FGF14: variants seen among roughly 807,000 people sequenced by gnomAD.
FGF14 encodes fibroblast growth factor homologous factor 4.
In FGF14, 5 loss-of-function variants were observed where a neutral mutation model predicts 25.5. That is an observed-to-expected ratio of 0.20 (90% confidence interval 0.10 to 0.41). The LOEUF is 0.41. Ranked by LOEUF, FGF14 falls within the 10% of genes least tolerant of loss-of-function variation. The pLI, the probability that FGF14 is intolerant of heterozygous loss-of-function variation, is 1.00. For synonymous variants in FGF14, 138 were observed against 118.3 expected, an observed-to-expected ratio of 1.17 and a Z score of -1.08; for missense variants, 222 against 320.1, an observed-to-expected ratio of 0.69 and a Z score of 2.34.
intron 1 of FGF14, among the ~76,000 whole-genome samples, chr13:102,385,908 C>G (rs2058290045): frequency 6.6e-6 from 1 of 152,100 alleles, no homozygotes; most frequent in Admixed American, 6.6e-5. Flanking sequence ...CAGTATTTCA[C>G]TATTTAGCAG....
At chr13:101,966,069 T>G (rs1420170117) in intron 1 of FGF14, among the ~76,000 whole-genome samples, 1 of 152,186 alleles carries the variant, frequency 6.6e-6, no homozygotes, top group African/African-American at 2.4e-5. Flanking sequence ...AAGGGAAATG[T>G]TCTGGATTGA....
chr13:101,754,983 T>C (rs1021887379), intron 3 of FGF14, among the ~76,000 whole-genome samples: 88 of 152,138 alleles, frequency 5.8e-4, no homozygotes, highest in African/African-American at 1.9e-3. Context: ...GCCTAAGAAC[T>C]TATACGGCAT....
intron 1 of FGF14, among the ~76,000 whole-genome samples, chr13:102,337,531 T>C (rs1270854415): frequency 3.3e-5 from 5 of 152,208 alleles, no homozygotes; most frequent in Non-Finnish European, 7.3e-5. Flanking sequence ...ATACAGAATG[T>C]AGCATATCCC....
At chr13:102,401,640 G>C in exon 1 of FGF14, 1 of 1,614,100 alleles carries the variant, frequency 6.2e-7, no homozygotes, top group Non-Finnish European at 8.5e-7. Flanking sequence ...ATAATAATTT[G>C]AAATCAGTTC....
chr13:102,155,647 A>G (rs1447627489), intron 1 of FGF14, among the ~76,000 whole-genome samples: 1 of 152,192 alleles, frequency 6.6e-6, no homozygotes, highest in African/African-American at 2.4e-5. Flanking sequence ...GCAGAAGGCA[A>G]GAAATAACTA....
intron 1 of FGF14, among the ~76,000 whole-genome samples, chr13:102,381,182 T>G (rs537190632): frequency 1.3e-5 from 2 of 152,164 alleles, no homozygotes; most frequent in Non-Finnish European, 2.9e-5. Flanking sequence ...CACTGTAAAG[T>G]TGAGTAATAG....
chr13:102,011,951 T>C (rs2040102848), intron 1 of FGF14, among the ~76,000 whole-genome samples: 1 of 152,194 alleles, frequency 6.6e-6, no homozygotes, highest in Non-Finnish European at 1.5e-5. Context: ...TGTTCATGAA[T>C]GGTAATTTGT....
At chr13:102,131,652 T>C (rs2046201490) in intron 1 of FGF14, among the ~76,000 whole-genome samples, 1 of 152,352 alleles carries the variant, frequency 6.6e-6, no homozygotes, top group Non-Finnish European at 1.5e-5. Flanking sequence ...CAGATTAATA[T>C]AAAACACTCC....
At chr13:102,361,216 C>A (rs1425273591) in intron 1 of FGF14, among the ~76,000 whole-genome samples, 1 of 152,136 alleles carries the variant, frequency 6.6e-6, no homozygotes, top group Admixed American at 6.6e-5. Flanking sequence ...CAAATGTCAT[C>A]ATCAACAGAA....
intron 3 of FGF14, among the ~76,000 whole-genome samples, chr13:101,852,159 G>T (rs1253504500): frequency 6.6e-6 from 1 of 151,982 alleles, no homozygotes; most frequent in Non-Finnish European, 1.5e-5. Flanking sequence ...TACATCACAG[G>T]CTGGTTGCCA....
intron 1 of FGF14, among the ~76,000 whole-genome samples, chr13:102,135,229 G>T (rs2046363829): frequency 6.6e-6 from 1 of 151,996 alleles, no homozygotes; most frequent in African/African-American, 2.4e-5. Context: ...CAAAGAAAAA[G>T]ACAGGATAAA....
chr13:102,290,458 TG>T (rs2054328453), intron 1 of FGF14, among the ~76,000 whole-genome samples: 1 of 152,082 alleles, frequency 6.6e-6, no homozygotes. Context: ...CTAAGACAAA[TG>T]GTAATAAGCC....
At chr13:102,094,473 T>A (rs2044303567) in intron 1 of FGF14, among the ~76,000 whole-genome samples, 1 of 152,108 alleles carries the variant, frequency 6.6e-6, no homozygotes, top group Admixed American at 6.6e-5. Flanking sequence ...CTGAACAGGT[T>A]TTTAATGCAG....
chr13:102,291,091 C>T (rs1312561523), intron 1 of FGF14, among the ~76,000 whole-genome samples: 2 of 152,156 alleles, frequency 1.3e-5, no homozygotes, highest in Non-Finnish European at 2.9e-5. Context: ...TAGTAAGCTG[C>T]ATGTTTTCTT....
intron 1 of FGF14, among the ~76,000 whole-genome samples, chr13:102,340,225 C>T (rs1267192450): frequency 1.3e-5 from 2 of 152,186 alleles, no homozygotes; most frequent in Non-Finnish European, 2.9e-5. Context: ...TTCAAATTGC[C>T]CATCCCCACA....
At chr13:102,241,136 C>T (rs1284608690) in intron 1 of FGF14, among the ~76,000 whole-genome samples, 7 of 152,142 alleles carry the variant, frequency 4.6e-5, no homozygotes, top group Admixed American at 3.3e-4. Context: ...GAACAGTGGA[C>T]GCTTTGATCA....
chr13:102,375,145 T>C (rs2058008408), intron 1 of FGF14, among the ~76,000 whole-genome samples: 1 of 152,060 alleles, frequency 6.6e-6, no homozygotes, highest in Admixed American at 6.6e-5. Flanking sequence ...CAAATGGAAC[T>C]GGAAACACAC....
intron 1 of FGF14, among the ~76,000 whole-genome samples, chr13:102,295,554 C>T (rs540721787): frequency 3.9e-5 from 6 of 152,170 alleles, no homozygotes; most frequent in East Asian, 3.9e-4. Context: ...TAAAGGTCGG[C>T]GAAGCAGGCA....
intron 1 of FGF14, among the ~76,000 whole-genome samples, chr13:102,380,837 CAGAT>C (rs1047377099): frequency 1.1e-4 from 17 of 152,238 alleles, no homozygotes; most frequent in South Asian, 4.1e-4. Flanking sequence ...AAAATAAACA[CAGAT>C]AAAGAGTCAG....
Sources: gnomAD v4.1 joint callset for allele counts (sites outside exome capture counted in the v4.1 genomes callset) on GRCh38, gnomAD v4.1.1 for gene constraint, MANE v1.5 for transcripts, NCBI Gene and HGNC (gene_info 2026-07-23, HGNC 2026-07-21) for gene names.